Variants in FAT3 observed in about 807,000 individuals in gnomAD.
FAT3 encodes the protein FAT atypical cadherin 3.
FAT3 carries 95 observed loss-of-function variants against 310.2 expected under a neutral mutation model. The ratio of observed to expected loss-of-function variants is 0.31; its 90% CI spans 0.26 to 0.36. FAT3 has a LOEUF of 0.36. Ranked by LOEUF, FAT3 falls within the 10% of genes least tolerant of loss-of-function variation. The pLI, the probability that FAT3 is intolerant of heterozygous loss-of-function variation, is 1.00. For missense variants in FAT3, 5,408 were observed against 5,715.6 expected, an observed-to-expected ratio of 0.95 and a Z score of 1.74; for synonymous variants, 2,314 against 2,192.9, an observed-to-expected ratio of 1.06 and a Z score of -1.54.
At chr11:92,742,164 A>G (rs1405797586) in intron 4 of FAT3, among the ~76,000 whole-genome samples, 1 of 152,236 alleles carries the variant, frequency 6.6e-6, no homozygotes, top group African/African-American at 2.4e-5. Flanking sequence ...GAAGACAGAT[A>G]TGCAACAATT....
At chr11:92,827,983 T>C (rs1948143100) in intron 13 of FAT3, among the ~76,000 whole-genome samples, 1 of 152,134 alleles carries the variant, frequency 6.6e-6, no homozygotes, top group Non-Finnish European at 1.5e-5. Context: ...CCTCATTAAA[T>C]TAGGCTCAAA....
chr11:92,407,686 T>C (rs1950162163), intron 2 of FAT3, among the ~76,000 whole-genome samples: 1 of 152,168 alleles, frequency 6.6e-6, no homozygotes, highest in Admixed American at 6.6e-5. Flanking sequence ...ATGCTAAATT[T>C]CATGACTTTG....
intron 1 of FAT3, among the ~76,000 whole-genome samples, chr11:92,271,792 G>A (rs574498976): frequency 1.7e-4 from 26 of 152,296 alleles, no homozygotes; most frequent in African/African-American, 6.3e-4. Context: ...ATCTGAAGAA[G>A]CTATGCTGCC....
At chr11:92,554,123 T>C (rs1429065979) in intron 3 of FAT3, among the ~76,000 whole-genome samples, 2 of 151,806 alleles carry the variant, frequency 1.3e-5, no homozygotes, top group Non-Finnish European at 2.9e-5. Flanking sequence ...TCTTTGTTAT[T>C]GTGAGATGCA....
At chr11:92,822,466 C>T (rs1312168602) in intron 13 of FAT3, among the ~76,000 whole-genome samples, 1 of 152,176 alleles carries the variant, frequency 6.6e-6, no homozygotes, top group African/African-American at 2.4e-5. Flanking sequence ...CCAAGGACCC[C>T]AAGCTTTGAC....
rs1329610609 is a variant in FAT3 at position 92,891,208 on chromosome 11, A to G, written c.*95A>G. ...CCAGTGGAGCATTGTCTGTGGAATGAGAAGGGAATACTGTATTTTTCCACT... is the reference window on the plus strand; with the variant it reads ...CCAGTGGAGCATTGTCTGTGGAATGGGAAGGGAATACTGTATTTTTCCACT... On this transcript the variant is annotated 3_prime_UTR_variant, in exon 28 of 28. Transcript: ENST00000525166. 17 of 1,458,222 alleles carry G rather than the reference A, an allele frequency of 1.2e-5. No homozygotes were observed. In the South Asian group the frequency reaches 2.1e-4, roughly 18 times the overall value. 90.3% of individuals were successfully genotyped at this position (1,458,222 alleles called of 1,614,324 possible).
At chr11:92,548,180 T>C (rs1367508003) in intron 3 of FAT3, among the ~76,000 whole-genome samples, 1 of 152,186 alleles carries the variant, frequency 6.6e-6, no homozygotes, top group Non-Finnish European at 1.5e-5. Context: ...CATAGTCCAG[T>C]CATTTACCAT....
chr11:92,847,629 A>G (rs982887077), intron 19 of FAT3, among the ~76,000 whole-genome samples: 3 of 152,166 alleles, frequency 2.0e-5, no homozygotes, highest in African/African-American at 7.2e-5. Context: ...AGATATGGAC[A>G]GTTGGGGTGG....
intron 3 of FAT3, among the ~76,000 whole-genome samples, chr11:92,612,529 G>A (rs1211817811): frequency 6.6e-6 from 1 of 152,154 alleles, no homozygotes; most frequent in African/African-American, 2.4e-5. Context: ...AATTCAATCA[G>A]AAGACCATTT....
At chr11:92,302,565 C>T (rs1591076543) in intron 1 of FAT3, among the ~76,000 whole-genome samples, 1 of 151,924 alleles carries the variant, frequency 6.6e-6, no homozygotes, top group African/African-American at 2.4e-5. Context: ...TAGAAATCAC[C>T]CATTTGTGGA....
intron 2 of FAT3, among the ~76,000 whole-genome samples, chr11:92,467,352 GT>G (rs1201031038): frequency 1.3e-5 from 2 of 152,040 alleles, no homozygotes; most frequent in Non-Finnish European, 2.9e-5. Context: ...TTTTTCATGT[GT>G]TTTTTGGCTG....
At chr11:92,355,514 C>T in intron 2 of FAT3, 110 bp downstream of exon 2, 1 of 1,119,710 alleles carries the variant, frequency 8.9e-7, no homozygotes. Flanking sequence ...AATGAGGTTG[C>T]ATTTGGTGCA....
intron 19 of FAT3, among the ~76,000 whole-genome samples, chr11:92,845,595 C>T (rs965520009): frequency 6.6e-6 from 1 of 152,138 alleles, no homozygotes; most frequent in Non-Finnish European, 1.5e-5. Flanking sequence ...GTCACATGCC[C>T]GTAGTGATCG....
chr11:92,848,333 CTGA>C (rs1948738470), intron 19 of FAT3, among the ~76,000 whole-genome samples: 1 of 152,108 alleles, frequency 6.6e-6, no homozygotes, highest in Admixed American at 6.5e-5. Flanking sequence ...ATACAAAGGT[CTGA>C]TGTTGTGAGG....
At chr11:92,850,192 C>G (rs1409667570) in intron 19 of FAT3, among the ~76,000 whole-genome samples, 1 of 152,138 alleles carries the variant, frequency 6.6e-6, no homozygotes, top group Admixed American at 6.5e-5. Flanking sequence ...TCAGTGTTGT[C>G]TATTAATCTT....
chr11:92,669,821 T>A (rs1943075746), intron 3 of FAT3, among the ~76,000 whole-genome samples: 1 of 152,188 alleles, frequency 6.6e-6, no homozygotes, highest in Non-Finnish European at 1.5e-5. Context: ...ATGGGAATAA[T>A]CATACCAACC....
At chr11:92,824,211 G>A (rs1412306084) in intron 13 of FAT3, among the ~76,000 whole-genome samples, 1 of 152,006 alleles carries the variant, frequency 6.6e-6, no homozygotes, top group African/African-American at 2.4e-5. Context: ...ACAAAAATTA[G>A]CCGGGCATGG....
intron 3 of FAT3, among the ~76,000 whole-genome samples, chr11:92,634,794 C>T (rs779681242): frequency 1.3e-4 from 20 of 152,128 alleles, no homozygotes; most frequent in Non-Finnish European, 2.6e-4. Context: ...TATGCTGAAG[C>T]CGAGCCCCCA....
At chr11:92,775,380 A>T (rs925258282) in intron 7 of FAT3, among the ~76,000 whole-genome samples, 2 of 152,208 alleles carry the variant, frequency 1.3e-5, no homozygotes, top group Admixed American at 6.5e-5. Flanking sequence ...GAATCTGTTT[A>T]TAATCATAGA....
Sources: gnomAD v4.1 joint callset for allele counts (sites outside exome capture counted in the v4.1 genomes callset) on GRCh38, gnomAD v4.1.1 for gene constraint, MANE v1.5 for transcripts, NCBI Gene and HGNC (gene_info 2026-07-23, HGNC 2026-07-21) for gene names.